The following STIM2 variants were observed in gnomAD, a reference collection of about 807,000 sequenced individuals.
STIM2 encodes stromal interaction molecule 2.
In STIM2, 31 loss-of-function variants were observed where a neutral mutation model predicts 85.8. That is an observed-to-expected ratio of 0.36 (90% confidence interval 0.27 to 0.49). The LOEUF (loss-of-function observed/expected upper bound fraction) is 0.49, where lower values mean the gene tolerates loss of function less well. STIM2 is among the 20% of genes least tolerant of loss of function. STIM2 has a pLI of 0.98. For missense variants in STIM2, 841 were observed against 927.6 expected, an observed-to-expected ratio of 0.91 and a Z score of 1.21; for synonymous variants, 356 against 331.1, an observed-to-expected ratio of 1.08 and a Z score of -0.82.
chr4:26,865,767 T>C (rs1722383394), intron 1 of STIM2, among the ~76,000 whole-genome samples: 1 of 152,146 alleles, frequency 6.6e-6, no homozygotes, highest in Non-Finnish European at 1.5e-5. Context: ...GATCAGATTT[T>C]ATTAACTAAA....
intron 1 of STIM2, among the ~76,000 whole-genome samples, chr4:26,870,374 T>A (rs990739672): frequency 1.3e-4 from 20 of 152,192 alleles, no homozygotes; most frequent in African/African-American, 4.8e-4. Context: ...TTTCATAATG[T>A]ATGCATATAT....
At chr4:27,018,806 A>G (rs796209577) in intron 11 of STIM2, among the ~76,000 whole-genome samples, 5 of 152,360 alleles carry the variant, frequency 3.3e-5, no homozygotes, top group African/African-American at 1.2e-4. Context: ...GAGCTTGAAT[A>G]TACTTGAACA....
intron 1 of STIM2, chr4:26,873,657 G>A (rs1032604769): frequency 2.9e-5 from 19 of 663,836 alleles, no homozygotes; most frequent in African/African-American, 1.3e-4. Context: ...TGAGAGAGAC[G>A]CTCATGTCAC....
At chr4:26,881,321 C>A (rs1723006870) in intron 1 of STIM2, among the ~76,000 whole-genome samples, 1 of 152,032 alleles carries the variant, frequency 6.6e-6, no homozygotes. Context: ...CAAAAATTAG[C>A]CCGGTGTGGT....
chr4:27,022,865 G>T lies in STIM2; in HGVS notation c.2110G>T (p.Asp704Tyr), dbSNP rs764965234. ...CACATCATGTTCCTCAGCTGGCAACGACAGTAAACCAGTTCAGGAAGCCCC... is the reference window on the plus strand; with the variant it reads ...CACATCATGTTCCTCAGCTGGCAACTACAGTAAACCAGTTCAGGAAGCCCC... Residue 704 changes from aspartate (D) to tyrosine (Y), a missense_variant, in exon 12 of 12, where the codon GAC (aspartate) becomes TAC (tyrosine). Physicochemically the swap from Asp to Tyr is radical, Grantham distance 160. Transcript: ENST00000467087. The T allele has an allele frequency of 1.9e-6, 3 of 1,614,076 alleles. No individual in the cohort carries two copies. Among genetic ancestry groups the T allele is most frequent in the African/African-American group, 2.7e-5 (2 of 74,928 alleles).
At chr4:26,929,523 T>G (rs1725122149) in intron 2 of STIM2, among the ~76,000 whole-genome samples, 1 of 152,154 alleles carries the variant, frequency 6.6e-6, no homozygotes, top group African/African-American at 2.4e-5. Context: ...TAGCCCAAAT[T>G]TTAAAGTACT....
chr4:26,973,012 T>G (rs1318690697), intron 3 of STIM2, among the ~76,000 whole-genome samples: 2 of 152,256 alleles, frequency 1.3e-5, no homozygotes, highest in Admixed American at 6.5e-5. Flanking sequence ...TTCTAGATTT[T>G]CTAGTTTATT....
intron 1 of STIM2, among the ~76,000 whole-genome samples, chr4:26,915,740 A>G (rs1724553013): frequency 6.6e-6 from 1 of 152,196 alleles, no homozygotes; most frequent in South Asian, 2.1e-4. Context: ...ATCCAGAGAA[A>G]AGAATGCTTA....
chr4:26,883,949 G>A (rs1295932274), intron 1 of STIM2, among the ~76,000 whole-genome samples: 1 of 152,164 alleles, frequency 6.6e-6, no homozygotes, highest in African/African-American at 2.4e-5. Context: ...AAGTTACTGT[G>A]AACAGTAGTA....
At chr4:26,876,691 C>G (rs1173906197) in intron 1 of STIM2, among the ~76,000 whole-genome samples, 1 of 152,078 alleles carries the variant, frequency 6.6e-6, no homozygotes, top group Non-Finnish European at 1.5e-5. Context: ...TTGGCCAAAG[C>G]AGTATAGTCA....
intron 11 of STIM2, 133 bp from the exon 12 acceptor site, chr4:27,022,386 T>C (rs781633485): frequency 1.3e-5 from 9 of 672,494 alleles, no homozygotes; most frequent in Non-Finnish European, 2.2e-5. Context: ...TTTGCTGAAA[T>C]GTATATAGAA....
At chr4:26,904,139 C>T (rs1323781357) in intron 1 of STIM2, among the ~76,000 whole-genome samples, 1 of 139,966 alleles carries the variant, frequency 7.1e-6, no homozygotes, top group African/African-American at 2.6e-5. Flanking sequence ...TGTTCCCCTT[C>T]CTGTGTCCAT....
chr4:26,910,377 A>T (rs1196107345), intron 1 of STIM2, among the ~76,000 whole-genome samples: 1 of 152,072 alleles, frequency 6.6e-6, no homozygotes, highest in Non-Finnish European at 1.5e-5. Context: ...AATAAAAATT[A>T]TCTGAGCGTG....
At chr4:27,017,130 T>G (rs1341198803) in intron 10 of STIM2, among the ~76,000 whole-genome samples, 1 of 152,180 alleles carries the variant, frequency 6.6e-6, no homozygotes, top group African/African-American at 2.4e-5. Context: ...CCTGCATGAG[T>G]CTCAACTGAG....
intron 1 of STIM2, among the ~76,000 whole-genome samples, chr4:26,916,486 T>G (rs1423204673): frequency 6.6e-6 from 1 of 152,188 alleles, no homozygotes; most frequent in Non-Finnish European, 1.5e-5. Flanking sequence ...ATCTGGTGAA[T>G]TGCCATCATC....
chr4:26,999,363 C>T lies in STIM2; in HGVS notation c.625+16C>T. The T allele has an allele frequency of 2.0e-6, 3 of 1,513,186 alleles. No individual in the cohort carries two copies. Among genetic ancestry groups the T allele is most frequent in the Non-Finnish European group, 2.7e-6 (3 of 1,102,806 alleles). 93.7% of individuals were successfully genotyped at this position (1,513,186 alleles called of 1,614,324 possible). On this transcript the variant is annotated intron_variant, in intron 5 of 11. Coordinates refer to ENST00000467087, the MANE Select transcript of STIM2 (RefSeq NM_020860.4). ...CCTCTAACACGTTAGTATTCTCTCT[C>T]ACTCAGAGGATGATGTAAAAGAATA... is the stretch of plus-strand genomic sequence containing the variant.
In STIM2 at chr4:27,017,953, G is replaced by A. The variant is rs1488436619; in HGVS notation, c.1732G>A (p.Glu578Lys). 12 of 1,614,144 alleles carry A rather than the reference G, an allele frequency of 7.4e-6. No homozygotes were observed. The highest frequency in any genetic ancestry group is 1.0e-5 in the Non-Finnish European group (12 of 1,180,022). ...GCTTTATCGAAATGAAGAGGAGGAA[G>A]AGGCCATTTACTTCTCTGCTGAAAA... The change falls in exon 11 of 12, where the codon GAG (glutamate) becomes AAG (lysine). Residue 578 changes from glutamate to lysine, a missense_variant. By Grantham distance (56) the Glu-to-Lys change is moderately conservative (BLOSUM62 1). Around this residue, in one of 3 missense-constraint regions of STIM2, gnomAD observed 293 missense variants for 284.5 expected, o/e 1.03. Coordinates refer to ENST00000467087, the MANE Select transcript of STIM2 (RefSeq NM_020860.4).
intron 3 of STIM2, among the ~76,000 whole-genome samples, chr4:26,972,988 A>T (rs1478446676): frequency 1.3e-5 from 2 of 152,128 alleles, no homozygotes; most frequent in Admixed American, 6.5e-5. Context: ...TGCATCCAGG[A>T]ATTTATCCAT....
intron 1 of STIM2, among the ~76,000 whole-genome samples, chr4:26,918,378 T>G (rs1031904221): frequency 2.0e-4 from 30 of 152,018 alleles, no homozygotes; most frequent in African/African-American, 7.2e-4. Flanking sequence ...TCTACTTGCT[T>G]TATTTTAGGG....
Sources: allele counts gnomAD v4.1 joint callset (sites outside exome capture counted in the v4.1 genomes callset), GRCh38; gene constraint gnomAD v4.1.1; regional missense constraint gnomAD v4.1.1; transcripts MANE v1.5; gene names NCBI Gene and HGNC (gene_info 2026-07-23, HGNC 2026-07-21).